Variants in RFC3 observed in about 807,000 individuals in gnomAD.
The protein encoded by RFC3 is replication factor C subunit 3.
RFC3 carries 41 observed loss-of-function variants against 45.1 expected under a neutral mutation model. The ratio of observed to expected loss-of-function variants is 0.91; its 90% CI spans 0.71 to 1.18. RFC3 has a LOEUF of 1.18. RFC3 is among the 50% of genes most tolerant of loss of function. RFC3 has a pLI of 0.00. For synonymous variants in RFC3, 149 were observed against 144.0 expected (o/e 1.03, Z -0.25); for missense variants, 423 against 428.1 (o/e 0.99, Z 0.10).
At chr13:33,908,645 C>T (rs930542798) in intron 8 of RFC3, among the ~76,000 whole-genome samples, 2 of 150,676 alleles carry the variant, frequency 1.3e-5, no homozygotes, top group African/African-American at 2.4e-5. Flanking sequence ...CACACACACA[C>T]ACACGCTTTA....
chr13:33,844,342 C>T (rs1041132144), intron 8 of RFC3, among the ~76,000 whole-genome samples: 1 of 152,176 alleles, frequency 6.6e-6, no homozygotes, highest in Non-Finnish European at 1.5e-5. Flanking sequence ...ATGAAAAACT[C>T]TAGTGCTCTG....
intron 1 of RFC3, among the ~76,000 whole-genome samples, chr13:33,818,763 C>G (rs907840890): frequency 1.1e-4 from 17 of 151,982 alleles, no homozygotes; most frequent in African/African-American, 3.9e-4. Context: ...TACTTTCTAG[C>G]TGGCTTAAGA....
chr13:33,965,288 T>G (rs1441749037), intron 8 of RFC3, among the ~76,000 whole-genome samples: 2 of 152,162 alleles, frequency 1.3e-5, no homozygotes, highest in Non-Finnish European at 2.9e-5. Flanking sequence ...TCATGAGCTA[T>G]TCGGTCAATG....
chr13:33,821,002 G>T (rs2081997647), intron 1 of RFC3, 130 bp from the exon 2 acceptor site: 2 of 693,626 alleles, frequency 2.9e-6, no homozygotes, highest in Admixed American at 5.5e-5. Context: ...TAAAAAATTG[G>T]GTGTATCTAC....
At chr13:33,923,933 T>C (rs1268622835) in intron 8 of RFC3, among the ~76,000 whole-genome samples, 1 of 152,140 alleles carries the variant, frequency 6.6e-6, no homozygotes, top group Non-Finnish European at 1.5e-5. Context: ...TCCTTCGGGT[T>C]AGAGCTGGAG....
At chr13:33,918,113 A>G (rs1221193045) in intron 8 of RFC3, among the ~76,000 whole-genome samples, 1 of 152,138 alleles carries the variant, frequency 6.6e-6, no homozygotes. Context: ...TGAGCAGGAG[A>G]GTGACAGAGC....
At chr13:33,934,063 A>G (rs2082870806) in intron 8 of RFC3, among the ~76,000 whole-genome samples, 1 of 152,040 alleles carries the variant, frequency 6.6e-6, no homozygotes, top group Non-Finnish European at 1.5e-5. Context: ...TAATAGAGCC[A>G]AAGGACAAAG....
At chr13:33,863,162 A>G (rs2082352125) in intron 8 of RFC3, among the ~76,000 whole-genome samples, 1 of 152,248 alleles carries the variant, frequency 6.6e-6, no homozygotes, top group Admixed American at 6.5e-5. Flanking sequence ...ACTGATAGAC[A>G]GTTTTTCATC....
chr13:33,856,546 A>G (rs957130998), intron 8 of RFC3, among the ~76,000 whole-genome samples: 1 of 152,196 alleles, frequency 6.6e-6, no homozygotes, highest in African/African-American at 2.4e-5. Context: ...AAATAAACGT[A>G]TTCCTGGGAG....
At chr13:33,887,579 G>A (rs1271759313) in intron 8 of RFC3, among the ~76,000 whole-genome samples, 2 of 152,036 alleles carry the variant, frequency 1.3e-5, no homozygotes, top group African/African-American at 4.8e-5. Flanking sequence ...CTCCCATTTT[G>A]TAGGTTGCCT....
intron 2 of RFC3, 92 bp from the exon 3 acceptor site, chr13:33,823,825 T>C: frequency 1.6e-6 from 1 of 622,130 alleles, no homozygotes; most frequent in East Asian, 3.1e-5. Flanking sequence ...AAGTTTTACT[T>C]TGTGTAATAA....
chr13:33,845,844 G>A (rs929213158), intron 8 of RFC3, among the ~76,000 whole-genome samples: 1 of 152,196 alleles, frequency 6.6e-6, no homozygotes, highest in Non-Finnish European at 1.5e-5. Flanking sequence ...GATGTTCATA[G>A]ATGTATGGAC....
chr13:33,872,254 T>C (rs1056146583), intron 8 of RFC3, among the ~76,000 whole-genome samples: 3 of 152,150 alleles, frequency 2.0e-5, no homozygotes, highest in Non-Finnish European at 4.4e-5. Context: ...GAGAAGGCCT[T>C]ATTAGTGCTG....
chr13:33,921,203 T>A (rs1328980313), intron 8 of RFC3, among the ~76,000 whole-genome samples: 1 of 152,164 alleles, frequency 6.6e-6, no homozygotes, highest in East Asian at 1.9e-4. Context: ...GTGGCAGACA[T>A]GTTTCCTTCC....
intron 8 of RFC3, among the ~76,000 whole-genome samples, chr13:33,927,140 T>C (rs2082818982): frequency 6.6e-6 from 1 of 151,606 alleles, no homozygotes; most frequent in Admixed American, 6.6e-5. Context: ...GAGAAAAAGA[T>C]CGGGAGTGGC....
At chr13:33,927,221 T>C (rs1277727465) in intron 8 of RFC3, among the ~76,000 whole-genome samples, 3 of 148,350 alleles carry the variant, frequency 2.0e-5, no homozygotes, top group Admixed American at 1.3e-4. Flanking sequence ...TAATAAAGGC[T>C]TTTTAAAGCA....
At chr13:33,954,293 G>T (rs564152711) in intron 8 of RFC3, among the ~76,000 whole-genome samples, 1 of 152,284 alleles carries the variant, frequency 6.6e-6, no homozygotes, top group South Asian at 2.1e-4. Context: ...GTGTAGCTAA[G>T]GAAAAAGATC....
intron 3 of RFC3, 89 bp from the exon 4 acceptor site, chr13:33,825,699 TA>T: frequency 1.7e-6 from 1 of 595,140 alleles, no homozygotes; most frequent in East Asian, 3.3e-5. Flanking sequence ...TAATTTTGAT[TA>T]AAATTTTGAC....
chr13:33,941,645 C>T (rs975430357), intron 8 of RFC3, among the ~76,000 whole-genome samples: 11 of 152,004 alleles, frequency 7.2e-5, no homozygotes, highest in African/African-American at 2.7e-4. Flanking sequence ...TTCGAAGCTG[C>T]CTGTTTTCTT....
Sources: allele counts gnomAD v4.1 joint callset (sites outside exome capture counted in the v4.1 genomes callset), GRCh38; gene constraint gnomAD v4.1.1; transcripts MANE v1.5; gene names NCBI Gene and HGNC (gene_info 2026-07-23, HGNC 2026-07-21).